PGLYRP3: variants seen among roughly 807,000 people sequenced by gnomAD.
PGLYRP3 encodes the protein peptidoglycan recognition protein I alpha.
In PGLYRP3, 39 loss-of-function variants were observed where a neutral mutation model predicts 36.0. The observed-to-expected ratio is 1.08, with a 90% confidence interval of 0.84 to 1.41. The LOEUF (loss-of-function observed/expected upper bound fraction) is 1.41. Ranked by LOEUF, PGLYRP3 falls within the 40% of genes most tolerant of loss-of-function variation. PGLYRP3 has a pLI of 0.00. For missense variants in PGLYRP3, 407 were observed against 427.9 expected, an observed-to-expected ratio of 0.95 and a Z score of 0.43; for synonymous variants, 204 against 172.8, an observed-to-expected ratio of 1.18 and a Z score of -1.42.
rs750712976 is a variant in PGLYRP3, at chr1:153,297,905, G to A, written c.*51C>T. 2 of 1,593,320 alleles carry A rather than the reference G, an allele frequency of 1.3e-6. No homozygotes were observed. Among genetic ancestry groups the A allele is most frequent in the East Asian group, 2.2e-5 (1 of 44,632 alleles). On this transcript the variant is annotated 3_prime_UTR_variant, in exon 8 of 8. Coordinates refer to ENST00000683862, the MANE Select transcript of PGLYRP3 (RefSeq NM_052891.3). ...GAGCCACCTTGGCTGGTGAGGGTTG[G>A]AGAGACCCAGCAGGGGAGGGAGGGC...
At chr1:153,307,775 G>T (rs533489373) in intron 2 of PGLYRP3, among the ~76,000 whole-genome samples, 1 of 152,114 alleles carries the variant, frequency 6.6e-6, no homozygotes, top group Non-Finnish European at 1.5e-5. Flanking sequence ...CCCACAGGAG[G>T]CTCCATAAAC....
intron 6 of PGLYRP3, among the ~76,000 whole-genome samples, chr1:153,301,432 A>G (rs893948833): frequency 6.6e-6 from 1 of 152,242 alleles, no homozygotes; most frequent in Admixed American, 6.5e-5. Context: ...ACAGGTTTTG[A>G]AAAGTCAAGG....
At position 153,300,941 on chromosome 1, in the gene PGLYRP3, G is replaced by T. The variant is rs192315832; in HGVS notation, c.728+1468C>A. Reference sequence around the variant, plus strand: ...TTTGTTTTTGTCTTTTTCAGACAGGGTCTCACTCTGTTGCTCAGGCTGAAG... The same window carrying T: ...TTTGTTTTTGTCTTTTTCAGACAGGTTCTCACTCTGTTGCTCAGGCTGAAG... On this transcript the variant is annotated intron_variant, in intron 6 of 7. Transcript: ENST00000683862. Among the ~76,000 whole-genome samples, 657 of 152,178 alleles carry T rather than the reference G, an allele frequency of 4.3e-3. 3 individuals are homozygous for T. Among genetic ancestry groups the T allele is most frequent in the Non-Finnish European group, 7.7e-3 (521 of 68,012 alleles).
In PGLYRP3 at chr1:153,298,098, T is replaced by C. The variant is rs552648838; in HGVS notation, c.884A>G (p.Gln295Arg). The change falls in exon 8 of 8, where the codon CAG becomes CGG. Residue 295 changes from glutamine (Q) to arginine (R), a missense_variant. Coordinates refer to ENST00000683862, the MANE Select transcript of PGLYRP3 (RefSeq NM_052891.3). ...AACCACGGCACACTGGATCAGGTCC[T>C]GGGCCGCCTCCAGCGCTGCAGCATT... ...PPNAAALEAA[Q>R]DLIQCAVVEG... The C allele has an allele frequency of 6.2e-7, 1 of 1,614,004 alleles. No homozygotes were observed. Among genetic ancestry groups the C allele is most frequent in the Non-Finnish European group, 8.5e-7 (1 of 1,179,998 alleles).
chr1:153,307,073 CCACGTCG>C lies in PGLYRP3; in HGVS notation c.243_249del (p.Cys81TrpfsTer43), dbSNP rs1346965701. 2.5e-6 allele frequency: 4 copies of C among 1,613,426 alleles called. No homozygotes were observed. The highest frequency in any genetic ancestry group is 2.5e-6 in the Non-Finnish European group (3 of 1,179,790). ...ACTTGGCTAGCCTCTTACTTGTACG[CCACGTCG>C]CACCAGCCTATGGTGTAGACGGAAT... is the stretch of plus-strand genomic sequence containing the variant. On this transcript the variant is annotated frameshift_variant, in exon 3 of 8. Transcript: ENST00000683862. LOFTEE classifies it high-confidence loss of function.
At chr1:153,300,733 G>A (rs1259147718) in intron 6 of PGLYRP3, among the ~76,000 whole-genome samples, 12 of 152,018 alleles carry the variant, frequency 7.9e-5, no homozygotes, top group South Asian at 6.2e-4. Flanking sequence ...CACCTCCCGC[G>A]ATAAGTTCCA....
In PGLYRP3 at chr1:153,302,453, CTG is replaced by C; in HGVS notation, c.682_683del (p.Gln228ValfsTer11). On this transcript the variant is annotated frameshift_variant, in exon 6 of 8. Transcript: ENST00000683862. LOFTEE classifies it high-confidence loss of function. ...AGTTCCGTGTGTCCATGTGAAAGGA[CTG>C]TATGTTTCGGACGACAGTCTGGCAG... is the stretch of plus-strand genomic sequence containing the variant. ...TDCQTVVRNIQSFHMDTRNFC... is the reference protein window; with the variant it reads ...TDCQTVVRNIXSFHMDTRNFC... 1 of 1,614,176 alleles carries C rather than the reference CTG, an allele frequency of 6.2e-7. No homozygotes were observed. Among genetic ancestry groups the C allele is most frequent in the South Asian group, 1.1e-5 (1 of 91,074 alleles).
At chr1:153,310,397 A>G (rs1006551382) in intron 2 of PGLYRP3, among the ~76,000 whole-genome samples, 1 of 152,252 alleles carries the variant, frequency 6.6e-6, no homozygotes. Flanking sequence ...AGCAAATAAG[A>G]TTCCAAGAAA....
chr1:153,298,186 T>C, intron 7 of PGLYRP3, 52 bp from the exon 8 acceptor site: 3 of 1,588,590 alleles, frequency 1.9e-6, no homozygotes, highest in South Asian at 1.1e-5. Flanking sequence ...GTTTCTTGAT[T>C]AGGGAAGGGA....
intron 2 of PGLYRP3, among the ~76,000 whole-genome samples, chr1:153,307,578 G>T (rs1423858875): frequency 6.6e-6 from 1 of 152,040 alleles, no homozygotes; most frequent in African/African-American, 2.4e-5. Context: ...CCTTCAGAAA[G>T]CACCCCAGCC....
chr1:153,311,379 G>A (rs1659893245), intron 1 of PGLYRP3, among the ~76,000 whole-genome samples: 1 of 152,150 alleles, frequency 6.6e-6, no homozygotes, highest in South Asian at 2.1e-4. Context: ...CTTATCATCA[G>A]AACACTGGGC....
chr1:153,305,150 G>C, intron 3 of PGLYRP3, 85 bp from the exon 4 acceptor site: 2 of 1,111,630 alleles, frequency 1.8e-6, no homozygotes, highest in Admixed American at 4.2e-5. Context: ...AGGGGTTCTG[G>C]AGGCTCATAA....
At chr1:153,305,255 G>A (rs1659714091) in intron 3 of PGLYRP3, among the ~76,000 whole-genome samples, 190 bp from the exon 4 acceptor site, 1 of 152,084 alleles carries the variant, frequency 6.6e-6, no homozygotes, top group African/African-American at 2.4e-5. Context: ...AATTTTTGTT[G>A]GGATTTAGCT....
At chr1:153,304,662 T>C (rs1230820958) in intron 4 of PGLYRP3, among the ~76,000 whole-genome samples, 3 of 152,252 alleles carry the variant, frequency 2.0e-5, no homozygotes, top group African/African-American at 7.2e-5. Context: ...ACAGCATCTA[T>C]GTCAGACAAC....
At chr1:153,310,858 A>C (rs1659878511) in intron 1 of PGLYRP3, 152 bp from the exon 2 acceptor site, 2 of 531,222 alleles carry the variant, frequency 3.8e-6, no homozygotes, top group Admixed American at 3.5e-5. Context: ...CCTTAAACAC[A>C]TCAGGTTCCC....
At chr1:153,304,904 T>C (rs1329979827) in intron 4 of PGLYRP3, 43 bp downstream of exon 4, 4 of 1,459,294 alleles carry the variant, frequency 2.7e-6, no homozygotes, top group Non-Finnish European at 3.8e-6. Context: ...GAAGAGAGTG[T>C]ACACAACTCT....
At chr1:153,303,059 T>C (rs546073879) in intron 5 of PGLYRP3, among the ~76,000 whole-genome samples, 1 of 152,362 alleles carries the variant, frequency 6.6e-6, no homozygotes, top group Non-Finnish European at 1.5e-5. Context: ...ATTATCATTA[T>C]TGAAGATAGT....
chr1:153,307,723 T>A (rs1231480279), intron 2 of PGLYRP3, among the ~76,000 whole-genome samples: 2 of 152,116 alleles, frequency 1.3e-5, no homozygotes, highest in African/African-American at 4.8e-5. Flanking sequence ...CATGACTCTC[T>A]GAAGGAAGCT....
intron 6 of PGLYRP3, among the ~76,000 whole-genome samples, 194 bp downstream of exon 6, chr1:153,302,215 G>A (rs1261358475): frequency 6.6e-6 from 1 of 152,152 alleles, no homozygotes; most frequent in Admixed American, 6.5e-5. Flanking sequence ...GTGGAGATAC[G>A]TCCAAGCGAG....
Sources: allele counts gnomAD v4.1 joint callset (sites outside exome capture counted in the v4.1 genomes callset), GRCh38; gene constraint gnomAD v4.1.1; transcripts MANE v1.5; gene names NCBI Gene and HGNC (gene_info 2026-07-23, HGNC 2026-07-21).